KIAA1328: variants seen among roughly 807,000 people sequenced by gnomAD.
KIAA1328 encodes the protein KIAA1328.
Under a neutral mutation model 68.1 loss-of-function variants are expected in KIAA1328, and 52 were observed. That is an observed-to-expected ratio of 0.76 (90% confidence interval 0.61 to 0.96). The LOEUF (loss-of-function observed/expected upper bound fraction) is 0.96. KIAA1328 is among the 40% of genes least tolerant of loss of function. The pLI is 0.00. For missense variants in KIAA1328, 641 were observed against 677.6 expected (o/e 0.95, Z 0.60); for synonymous variants, 232 against 239.4 (o/e 0.97, Z 0.28).
intron 7 of KIAA1328, among the ~76,000 whole-genome samples, chr18:37,069,234 A>G (rs1008042765): frequency 6.6e-6 from 1 of 150,888 alleles, no homozygotes; most frequent in Non-Finnish European, 1.5e-5. Flanking sequence ...CCATTTACTA[A>G]TATTTTGTTG....
chr18:36,910,435 T>C (rs2049395353), intron 5 of KIAA1328, among the ~76,000 whole-genome samples: 1 of 152,236 alleles, frequency 6.6e-6, no homozygotes, highest in East Asian at 1.9e-4. Flanking sequence ...TAGTTGTAGA[T>C]GTGTGGTATT....
intron 5 of KIAA1328, among the ~76,000 whole-genome samples, chr18:36,893,435 TTG>T (rs147453972): frequency 0.017 from 2,391 of 139,446 alleles, 70 homozygotes; most frequent in African/African-American, 0.047. Flanking sequence ...ACCTGGCTAT[TTG>T]TGTGTGTGTG....
intron 6 of KIAA1328, among the ~76,000 whole-genome samples, chr18:37,056,577 C>G (rs1046385841): frequency 1.3e-5 from 2 of 152,138 alleles, no homozygotes; most frequent in Admixed American, 1.3e-4. Context: ...CCATAGCACA[C>G]CATGTTAGAA....
In KIAA1328 at chr18:37,132,697, G is replaced by A. The variant is rs28588415; in HGVS notation, c.1233-27503G>A. Among the ~76,000 whole-genome samples the A allele has an allele frequency of 7.0e-3, 1,058 of 152,184 alleles. 16 individuals are homozygous for A. Among genetic ancestry groups the A allele is most frequent in the African/African-American group, 0.024 (1,011 of 41,510 alleles). On this transcript the variant is annotated intron_variant, in intron 7 of 9. Transcript: ENST00000280020. Reference sequence around the variant, plus strand: ...ACTTTTATTGATAATATAGGAATAGGGCTCCTTTTCAAACTGCTATTATCA... The same window carrying A: ...ACTTTTATTGATAATATAGGAATAGAGCTCCTTTTCAAACTGCTATTATCA...
intron 7 of KIAA1328, among the ~76,000 whole-genome samples, chr18:37,136,741 A>G (rs1306399608): frequency 9.9e-5 from 15 of 152,234 alleles, no homozygotes; most frequent in Admixed American, 9.8e-4. Flanking sequence ...TATTGAACTG[A>G]CATTTTTGTC....
chr18:36,864,462 C>T (rs190326619), intron 4 of KIAA1328, among the ~76,000 whole-genome samples: 9 of 151,862 alleles, frequency 5.9e-5, no homozygotes, highest in Admixed American at 2.0e-4. Flanking sequence ...CCACCACGCC[C>T]GGCTAATTTT....
chr18:36,957,824 T>G (rs1456197460), intron 5 of KIAA1328, among the ~76,000 whole-genome samples: 1 of 152,154 alleles, frequency 6.6e-6, no homozygotes, highest in Non-Finnish European at 1.5e-5. Flanking sequence ...TCATGTAAAA[T>G]AAAATTCACC....
chr18:37,143,919 C>G (rs186717866), intron 7 of KIAA1328, among the ~76,000 whole-genome samples: 39 of 152,112 alleles, frequency 2.6e-4, no homozygotes, highest in African/African-American at 9.2e-4. Context: ...TTTATAATAA[C>G]TTAGGTATTA....
At chr18:36,896,888 A>G (rs1456091636) in intron 5 of KIAA1328, among the ~76,000 whole-genome samples, 2 of 152,124 alleles carry the variant, frequency 1.3e-5, no homozygotes, top group Admixed American at 1.3e-4. Context: ...CATTTGAAGA[A>G]TATAGTGAGT....
intron 6 of KIAA1328, chr18:37,063,671 GT>G: frequency 1.0e-6 from 1 of 985,306 alleles, no homozygotes; most frequent in Non-Finnish European, 1.2e-6. Flanking sequence ...CAAAGCATTC[GT>G]TAAAATCATT....
chr18:37,093,837 A>G (rs1159830244), intron 7 of KIAA1328, among the ~76,000 whole-genome samples: 2 of 152,214 alleles, frequency 1.3e-5, no homozygotes, highest in Non-Finnish European at 2.9e-5. Context: ...GTTTTTCCCA[A>G]GGCATGTTAT....
intron 5 of KIAA1328, among the ~76,000 whole-genome samples, chr18:36,958,293 T>A (rs2051507016): frequency 6.6e-6 from 1 of 152,308 alleles, no homozygotes; most frequent in East Asian, 1.9e-4. Flanking sequence ...ATATGTTTTT[T>A]AAAAAGTTTT....
intron 4 of KIAA1328, among the ~76,000 whole-genome samples, chr18:36,849,584 A>G (rs1390193782): frequency 1.3e-5 from 2 of 151,994 alleles, no homozygotes. Context: ...GTAACAGTTC[A>G]TTGTGTGGAT....
At chr18:36,954,846 C>G (rs955350006) in intron 5 of KIAA1328, among the ~76,000 whole-genome samples, 3 of 151,526 alleles carry the variant, frequency 2.0e-5, no homozygotes, top group East Asian at 2.0e-4. Context: ...AGGCGCCCAC[C>G]ACCATGCCTG....
chr18:37,224,449 A>G lies in KIAA1328; in HGVS notation c.*2222A>G. 1 of 985,446 alleles carries G rather than the reference A, an allele frequency of 1.0e-6. No homozygotes were observed. The highest frequency in any genetic ancestry group is 1.2e-6 in the Non-Finnish European group (1 of 829,936). 61.0% of individuals were successfully genotyped at this position (985,446 alleles called of 1,614,324 possible). On this transcript the variant is annotated 3_prime_UTR_variant, in exon 10 of 10. Coordinates refer to ENST00000280020, the MANE Select transcript of KIAA1328 (RefSeq NM_020776.3). ...ATCAACCAATACATTTTTCACATGC[A>G]AAACTCATCACCAGTTGCCTTTTTC...
chr18:37,033,716 A>T (rs1489025604), intron 6 of KIAA1328, among the ~76,000 whole-genome samples: 2 of 151,868 alleles, frequency 1.3e-5, no homozygotes, highest in Non-Finnish European at 2.9e-5. Flanking sequence ...TCTGTGTAGC[A>T]CTCTCTTTTC....
At chr18:37,064,774 C>A (rs1568356910) in intron 6 of KIAA1328, among the ~76,000 whole-genome samples, 2 of 151,860 alleles carry the variant, frequency 1.3e-5, no homozygotes, top group African/African-American at 4.8e-5. Flanking sequence ...AGTGACACAC[C>A]GTGAAGATGG....
Position 37,075,979 on chromosome 18 carries a change from G to A in KIAA1328, c.1232+8434G>A, listed in dbSNP as rs112324106. 1.5e-3 allele frequency among the ~76,000 whole-genome samples: 234 copies of A among 151,936 alleles called. 1 individual carries two copies. The highest frequency in any genetic ancestry group is 2.3e-3 in the Non-Finnish European group (154 of 67,948). ...AATTGAACTCAGCTCTGCACCAAGC[G>A]GACCTAATAGACATCTACAGAACTC... On this transcript the variant is annotated intron_variant, in intron 7 of 9. Transcript: ENST00000280020.
downstream of KIAA1328, chr18:37,230,460 T>G (rs983722392): frequency 6.6e-6 from 1 of 152,232 alleles, no homozygotes; most frequent in Non-Finnish European, 1.5e-5. Flanking sequence ...ATCACAATAC[T>G]TACTGTGCTG....
Sources: gnomAD v4.1 joint callset for allele counts (sites outside exome capture counted in the v4.1 genomes callset) on GRCh38, gnomAD v4.1.1 for gene constraint, MANE v1.5 for transcripts, NCBI Gene and HGNC (gene_info 2026-07-23, HGNC 2026-07-21) for gene names.